CARNMT1: variants seen among roughly 807,000 people sequenced by gnomAD.
The protein encoded by CARNMT1 is protein-L-histidine N-pros-methyltransferase CARNMT1.
Under a neutral mutation model 49.6 loss-of-function variants are expected in CARNMT1, and 28 were observed. That is an observed-to-expected ratio of 0.56 (90% confidence interval 0.42 to 0.77). CARNMT1 has a LOEUF of 0.77. CARNMT1 is among the 30% of genes least tolerant of loss of function. CARNMT1 has a pLI of 0.00. For missense variants in CARNMT1, 421 were observed against 512.6 expected (o/e 0.82, Z 1.73); for synonymous variants, 178 against 175.0 (o/e 1.02, Z -0.13).
intron 3 of CARNMT1, among the ~76,000 whole-genome samples, chr9:75,005,656 G>A (rs529571006): frequency 6.6e-6 from 1 of 151,812 alleles, no homozygotes; most frequent in East Asian, 1.9e-4. Context: ...TGTATTTTTA[G>A]TAGAGACAGG....
chr9:75,010,310 A>G (rs981540853), intron 3 of CARNMT1: 2 of 151,892 alleles, frequency 1.3e-5, no homozygotes, highest in African/African-American at 4.8e-5. Context: ...TTTTTAGTAG[A>G]GACAGGGTTT....
At chr9:75,010,742 A>T (rs1308566493) in intron 3 of CARNMT1, among the ~76,000 whole-genome samples, 1 of 152,208 alleles carries the variant, frequency 6.6e-6, no homozygotes, top group Non-Finnish European at 1.5e-5. Flanking sequence ...AGATAAATAC[A>T]AAGGAAACCA....
intron 1 of CARNMT1, among the ~76,000 whole-genome samples, chr9:75,020,076 G>A (rs1822299089): frequency 6.6e-6 from 1 of 152,074 alleles, no homozygotes; most frequent in Admixed American, 6.6e-5. Flanking sequence ...TAAAAATTCA[G>A]GTTAATGATT....
intron 1 of CARNMT1, among the ~76,000 whole-genome samples, chr9:75,019,985 TG>T (rs763341064): frequency 1.1e-4 from 17 of 152,168 alleles, no homozygotes; most frequent in Non-Finnish European, 2.1e-4. Context: ...AAATACATAA[TG>T]TACAATTGCA....
intron 3 of CARNMT1, among the ~76,000 whole-genome samples, chr9:75,012,580 G>A (rs1833726147): frequency 6.6e-6 from 1 of 152,008 alleles, no homozygotes. Flanking sequence ...ACCACACCTG[G>A]ACAGGTCTTC....
At chr9:75,026,080 T>C (rs142942787) in intron 1 of CARNMT1, among the ~76,000 whole-genome samples, 1 of 152,362 alleles carries the variant, frequency 6.6e-6, no homozygotes, top group East Asian at 1.9e-4. Flanking sequence ...AAGCATATTT[T>C]TGATGTTATA....
In CARNMT1 at chr9:75,027,120, AT is replaced by A. The variant is rs1011675910; in HGVS notation, c.230+891del. On this transcript the variant is annotated intron_variant, in intron 1 of 7. Transcript: ENST00000376834. The stretch of plus-strand genomic sequence containing the variant: ...AGAACATAGTCACCGGTGGACTCAT[AT>A]CTCTTACGTGAATAAAAGTGTTATC... 3.0e-5 allele frequency: 39 copies of A among 1,304,134 alleles called. No individual in the cohort carries two copies. The Admixed American group carries it at 8.5e-4, about 28-fold the overall frequency. 80.8% of individuals were successfully genotyped at this position (1,304,134 alleles called of 1,614,324 possible). A position where few individuals can be genotyped will look rare whatever the true frequency, so the allele number is the denominator to read the frequency against.
intron 1 of CARNMT1, chr9:75,027,549 C>G (rs951772954): frequency 3.5e-6 from 3 of 869,358 alleles, no homozygotes; most frequent in Non-Finnish European, 4.1e-6. Flanking sequence ...GCACTGGTAA[C>G]AGTTTGGGAA....
At chr9:75,006,892 C>G (rs1050668883) in intron 3 of CARNMT1, among the ~76,000 whole-genome samples, 1 of 152,126 alleles carries the variant, frequency 6.6e-6, no homozygotes, top group African/African-American at 2.4e-5. Flanking sequence ...TTATAATTAT[C>G]TAATAATGCC....
intron 6 of CARNMT1, among the ~76,000 whole-genome samples, chr9:74,993,151 T>TA (rs1187507289): frequency 2.0e-5 from 3 of 152,196 alleles, no homozygotes; most frequent in African/African-American, 7.2e-5. Flanking sequence ...TTATGGAGCT[T>TA]AGAGACTAGC....
intron 3 of CARNMT1, among the ~76,000 whole-genome samples, chr9:75,014,213 A>C (rs924989976): frequency 3.9e-5 from 6 of 152,150 alleles, no homozygotes; most frequent in Admixed American, 3.9e-4. Context: ...TAAGGGAAAA[A>C]TAACTATTAG....
intron 6 of CARNMT1, among the ~76,000 whole-genome samples, chr9:74,993,870 T>A (rs1308956805): frequency 6.6e-6 from 1 of 152,128 alleles, no homozygotes; most frequent in East Asian, 1.9e-4. Context: ...AGCGATTAAG[T>A]AGCTTTAGGA....
intron 3 of CARNMT1, among the ~76,000 whole-genome samples, chr9:75,002,002 C>T (rs1432331361): frequency 6.6e-6 from 1 of 152,034 alleles, no homozygotes; most frequent in Non-Finnish European, 1.5e-5. Flanking sequence ...AACAAGCAAG[C>T]CAACAAGTTT....
intron 3 of CARNMT1, among the ~76,000 whole-genome samples, chr9:75,001,632 G>A (rs1472903544): frequency 1.3e-5 from 2 of 152,134 alleles, no homozygotes; most frequent in Non-Finnish European, 1.5e-5. Context: ...AAATGATCAG[G>A]AACTATGCAA....
chr9:75,009,647 A>T (rs1452718040), intron 3 of CARNMT1, among the ~76,000 whole-genome samples: 2 of 152,220 alleles, frequency 1.3e-5, no homozygotes, highest in Non-Finnish European at 2.9e-5. Flanking sequence ...ATTACAAATT[A>T]AAATCACTTA....
intron 7 of CARNMT1, among the ~76,000 whole-genome samples, chr9:74,984,428 A>G (rs955959607): frequency 6.6e-6 from 1 of 152,164 alleles, no homozygotes; most frequent in Non-Finnish European, 1.5e-5. Flanking sequence ...TTATGTACAC[A>G]TTATCCCAAA....
chr9:74,991,996 G>A (rs1450802266), intron 6 of CARNMT1, among the ~76,000 whole-genome samples: 1 of 152,118 alleles, frequency 6.6e-6, no homozygotes, highest in Admixed American at 6.5e-5. Context: ...TCTAGGCCAG[G>A]CACAGTGGCT....
intron 1 of CARNMT1, among the ~76,000 whole-genome samples, chr9:75,022,975 T>C (rs745476934): frequency 6.6e-6 from 1 of 152,006 alleles, no homozygotes; most frequent in Non-Finnish European, 1.5e-5. Context: ...ACCCTGTCTC[T>C]ACTAAAAATA....
At chr9:75,019,145 C>G (rs1261567243) in intron 1 of CARNMT1, among the ~76,000 whole-genome samples, 2 of 151,988 alleles carry the variant, frequency 1.3e-5, no homozygotes, top group African/African-American at 4.8e-5. Context: ...AAACGCTGAT[C>G]TTTTTTATAT....
Sources: allele counts gnomAD v4.1 joint callset (sites outside exome capture counted in the v4.1 genomes callset), GRCh38; gene constraint gnomAD v4.1.1; transcripts MANE v1.5; gene names NCBI Gene and HGNC (gene_info 2026-07-23, HGNC 2026-07-21).